BUD13: variants seen among roughly 807,000 people sequenced by gnomAD.
BUD13 encodes BUD13 homolog.
BUD13 carries 47 observed loss-of-function variants against 62.5 expected under a neutral mutation model. The observed-to-expected ratio is 0.75, with a 90% confidence interval of 0.60 to 0.96. The LOEUF (loss-of-function observed/expected upper bound fraction) is 0.96, where lower values mean the gene tolerates loss of function less well. Among genes scored for constraint, BUD13 ranks in the 40% least tolerant of loss-of-function variants. The pLI, the probability that BUD13 is intolerant of heterozygous loss-of-function variation, is 0.00. For synonymous variants in BUD13, 293 were observed against 280.1 expected, an observed-to-expected ratio of 1.05 and a Z score of -0.46; for missense variants, 821 against 790.9, an observed-to-expected ratio of 1.04 and a Z score of -0.46.
chr11:116,752,990 G>A (rs1035852581), intron 9 of BUD13, among the ~76,000 whole-genome samples: 2 of 152,126 alleles, frequency 1.3e-5, no homozygotes, highest in Admixed American at 6.6e-5. Context: ...ATATAAGGTG[G>A]GGAGACAGAT....
At chr11:116,766,648 C>T (rs1026433972) in intron 2 of BUD13, among the ~76,000 whole-genome samples, 1 of 152,320 alleles carries the variant, frequency 6.6e-6, no homozygotes, top group South Asian at 2.1e-4. Flanking sequence ...AGATAATTCA[C>T]GTAAGCTTAG....
At chr11:116,759,273 C>G in intron 5 of BUD13, 94 bp from the exon 6 acceptor site, 2 of 787,424 alleles carry the variant, frequency 2.5e-6, no homozygotes, top group Middle Eastern at 2.3e-4. Context: ...GTCTAATGAC[C>G]AGCAATAATT....
chr11:116,768,003 A>G (rs924043282), intron 2 of BUD13, among the ~76,000 whole-genome samples: 29 of 144,698 alleles, frequency 2.0e-4, no homozygotes, highest in Non-Finnish European at 3.1e-4. Context: ...TAATAATAAT[A>G]ATAATAATAA....
In BUD13 at chr11:116,772,973, C is replaced by G. The variant is rs1314159456; in HGVS notation, c.-9G>C. The G allele has an allele frequency of 6.5e-7, 1 of 1,532,292 alleles. No individual in the cohort carries two copies. Among genetic ancestry groups the G allele is most frequent in the East Asian group, 2.6e-5 (1 of 38,622 alleles). The allele number at this position is 1,532,292 out of a possible 1,614,324, so 94.9% of individuals were successfully genotyped here. ...GGCGGAGCTGCCGCCATGGCAGCGG[C>G]GGGGGCAGAGAGACGGGTCGGCGCT... On this transcript the variant is annotated 5_prime_UTR_variant, in exon 1 of 10. Coordinates refer to ENST00000260210, the MANE Select transcript of BUD13 (RefSeq NM_032725.4).
chr11:116,765,531 T>C, intron 2 of BUD13, 85 bp from the exon 3 acceptor site: 13 of 1,432,782 alleles, frequency 9.1e-6, no homozygotes, highest in Admixed American at 1.7e-5. Context: ...GTTACAACCA[T>C]TCCGATTCCT....
intron 2 of BUD13, among the ~76,000 whole-genome samples, chr11:116,768,427 G>A (rs751784230): frequency 1.3e-4 from 20 of 152,162 alleles, no homozygotes; most frequent in African/African-American, 3.6e-4. Context: ...AAATACAAGC[G>A]TGTATAATCT....
chr11:116,766,483 T>C (rs975079508), intron 2 of BUD13, among the ~76,000 whole-genome samples: 1 of 152,246 alleles, frequency 6.6e-6, no homozygotes, highest in Admixed American at 6.5e-5. Flanking sequence ...GATCTCTCAC[T>C]GAGCGTTAAA....
Position 116,754,929 on chromosome 11 carries a change from C to G in BUD13, c.1766+2217G>C, listed in dbSNP as rs1023788053. ...AGTGTAACAGAACTCAAAGTCTCTACAGTATATCATTCATGATGTCCAGTA... is the reference window on the plus strand; with the variant it reads ...AGTGTAACAGAACTCAAAGTCTCTAGAGTATATCATTCATGATGTCCAGTA... On this transcript the variant is annotated intron_variant, in intron 9 of 9. Transcript: ENST00000260210. 5.3e-5 allele frequency among the ~76,000 whole-genome samples: 8 copies of G among 152,290 alleles called. No individual in the cohort carries two copies. The South Asian group carries it at 1.7e-3, about 32-fold the overall frequency.
Position 116,765,295 on chromosome 11 carries a change from G to A in BUD13, c.322+67C>T, listed in dbSNP as rs949294347. On this transcript the variant is annotated intron_variant, in intron 3 of 9. Transcript: ENST00000260210. ...AAACTATGCATTCCTCTAAAGAAAAGTATAGAAAAGGAAAAAAGATCTCCC... is the reference window on the plus strand; with the variant it reads ...AAACTATGCATTCCTCTAAAGAAAAATATAGAAAAGGAAAAAAGATCTCCC... 33 of 1,509,470 alleles carry A rather than the reference G, an allele frequency of 2.2e-5. 1 individual carries two copies. The highest frequency in any genetic ancestry group is 2.6e-5 in the Non-Finnish European group (28 of 1,090,318). 93.5% of individuals were successfully genotyped at this position (1,509,470 alleles called of 1,614,324 possible). A position where few individuals can be genotyped will look rare whatever the true frequency, so the allele number is the denominator to read the frequency against.
chr11:116,759,263 G>T, intron 5 of BUD13, 84 bp from the exon 6 acceptor site: 2 of 878,884 alleles, frequency 2.3e-6, no homozygotes, highest in Non-Finnish European at 3.7e-6. Context: ...TTGCATTTGT[G>T]TCTAATGACC....
rs531659146 is a variant in BUD13 at position 116,759,323 on chromosome 11, T to C, written c.1255-144A>G. ...AGCTTTATATTCTCAATAATTACCA[T>C]AGGATTCAAAAACTATAAAAGAAAA... On this transcript the variant is annotated intron_variant, in intron 5 of 9. Transcript: ENST00000260210. 3.6e-4 allele frequency: 210 copies of C among 587,924 alleles called. 2 individuals are homozygous for C. The South Asian group carries it at 4.9e-3, about 14-fold the overall frequency. 36.4% of individuals were successfully genotyped at this position (587,924 alleles called of 1,614,324 possible).
At chr11:116,756,511 CAA>C (rs370267201) in intron 9 of BUD13, among the ~76,000 whole-genome samples, 1 of 139,026 alleles carries the variant, frequency 7.2e-6, no homozygotes, top group East Asian at 2.1e-4. Context: ...GGCTCCATCT[CAA>C]AAAAAAAAAG....
chr11:116,765,277 G>A, intron 3 of BUD13, 85 bp downstream of exon 3: 1 of 1,367,224 alleles, frequency 7.3e-7, no homozygotes, highest in South Asian at 1.2e-5. Context: ...AACAAACTAT[G>A]CATTCCTCTA....
At position 116,757,748 on chromosome 11, in the gene BUD13, G is replaced by T; in HGVS notation, c.1684+18C>A. 1.2e-6 allele frequency: 2 copies of T among 1,600,456 alleles called. No individual in the cohort carries two copies. Among genetic ancestry groups the T allele is most frequent in the South Asian group, 2.3e-5 (2 of 88,116 alleles). ...TCTTCACAAGTCACCTCCAGCTGAT[G>T]ATTCCCAGAAGTCCCACCTTTTTTA... On this transcript the variant is annotated intron_variant, in intron 8 of 9. Transcript: ENST00000260210.
At chr11:116,770,367 C>T (rs1349040100) in intron 1 of BUD13, 145 bp from the exon 2 acceptor site, 2 of 617,316 alleles carry the variant, frequency 3.2e-6, no homozygotes, top group Non-Finnish European at 5.3e-6. Context: ...TCATCTCCTA[C>T]TGCTACTTCC....
At chr11:116,758,151 T>C (rs1406810149) in intron 7 of BUD13, 118 bp downstream of exon 7, 34 of 1,486,396 alleles carry the variant, frequency 2.3e-5, no homozygotes, top group Admixed American at 2.1e-5. Flanking sequence ...GCACACCAAA[T>C]TTCCCATTAC....
At position 116,762,534 on chromosome 11, in the gene BUD13, T is replaced by G; in HGVS notation, c.1036+19A>C. On this transcript the variant is annotated intron_variant, in intron 4 of 9. Coordinates refer to ENST00000260210, the MANE Select transcript of BUD13 (RefSeq NM_032725.4). The stretch of plus-strand genomic sequence containing the variant: ...CCCAGGGATACATACATCCCTCTCA[T>G]GGACAGTCATATGCTCACCTTTGGA... 6.4e-7 allele frequency: 1 copy of G among 1,560,106 alleles called. No individual in the cohort carries two copies. The highest frequency in any genetic ancestry group is 2.2e-5 in the East Asian group (1 of 44,458).
intron 5 of BUD13, among the ~76,000 whole-genome samples, 191 bp downstream of exon 5, chr11:116,760,544 G>A (rs1263881575): frequency 1.3e-5 from 2 of 152,226 alleles, no homozygotes; most frequent in African/African-American, 4.8e-5. Context: ...TCTGGTATCT[G>A]TAAGTCCATC....
At chr11:116,757,341 G>A (rs61905112) in intron 8 of BUD13, 114 bp from the exon 9 acceptor site, 74,032 of 941,180 alleles carry the variant, frequency 0.079, 3,933 homozygotes, top group African/African-American at 0.22. Context: ...TGTTGCCCAG[G>A]CTGGAGTACA....
Sources: gnomAD v4.1 joint callset for allele counts (sites outside exome capture counted in the v4.1 genomes callset) on GRCh38, gnomAD v4.1.1 for gene constraint, MANE v1.5 for transcripts, NCBI Gene and HGNC (gene_info 2026-07-23, HGNC 2026-07-21) for gene names.